Variants in PIK3CD observed in about 807,000 individuals in gnomAD.
PIK3CD encodes the protein phosphatidylinositol-4,5-bisphosphate 3-kinase catalytic subunit delta, also known as phosphatidylinositol 4,5-bisphosphate 3-kinase catalytic subunit delta isoform.
Under a neutral mutation model 122.9 loss-of-function variants are expected in PIK3CD, and 20 were observed. The observed-to-expected ratio is 0.16, with a 90% CI of 0.11 to 0.24. The LOEUF (loss-of-function observed/expected upper bound fraction) is 0.24. PIK3CD is among the 10% of genes least tolerant of loss of function. The pLI, the probability that PIK3CD is intolerant of heterozygous loss-of-function variation, is 1.00. For missense variants in PIK3CD, 787 were observed against 1,406.3 expected (o/e 0.56, Z 7.04); for synonymous variants, 596 against 593.4 (o/e 1.00, Z -0.06).
At chr1:9,703,265 A>T (rs75212133) in intron 2 of PIK3CD, among the ~76,000 whole-genome samples, 4,150 of 152,342 alleles carry the variant, frequency 0.027, 144 homozygotes, top group African/African-American at 0.073. Flanking sequence ...GTGTAGTGAT[A>T]GGCTGCGCCT....
intron 1 of PIK3CD, among the ~76,000 whole-genome samples, chr1:9,681,825 G>T (rs1420518426): frequency 6.6e-6 from 1 of 152,178 alleles, no homozygotes; most frequent in Non-Finnish European, 1.5e-5. Context: ...ATCTCAGGAC[G>T]GAAGTAACTG....
chr1:9,635,690 C>G, the PIK3CD span, among the ~76,000 whole-genome samples: 1 of 152,250 alleles, frequency 6.6e-6, no homozygotes, highest in Non-Finnish European at 1.5e-5. Context: ...AGAGCCGGAG[C>G]TGGGCATCCA....
rs117857321 is a variant in PIK3CD at position 9,656,989 on chromosome 1, C to G, written c.-138+5187C>G. Among the ~76,000 whole-genome samples, 518 of 151,482 alleles carry G rather than the reference C, an allele frequency of 3.4e-3. 5 individuals are homozygous for G. Among genetic ancestry groups the G allele is most frequent in the East Asian group, 0.024 (126 of 5,146 alleles). ...TGTATTCTCTCACAGTTCTGGAGGC[C>G]AGAAGTTAAAAATTAAGGCATCAGC... On this transcript the variant is annotated intron_variant, in intron 1 of 23. Transcript: ENST00000377346.
intron 1 of PIK3CD, chr1:9,653,678 G>A (rs1644748523): frequency 1.6e-6 from 1 of 635,694 alleles, no homozygotes; most frequent in African/African-American, 1.9e-5. Context: ...TGGTTGATGA[G>A]GCTGCGACCA....
chr1:9,709,963 GCCACTGCA>G (rs1020277333), intron 2 of PIK3CD, among the ~76,000 whole-genome samples: 5 of 151,708 alleles, frequency 3.3e-5, no homozygotes, highest in African/African-American at 1.2e-4. Flanking sequence ...CCGAGGTGGT[GCCACTGCA>G]CTCCAGCCTG....
At position 9,726,311 on chromosome 1, in the gene PIK3CD, A is replaced by G. The variant is rs544028113; in HGVS notation, c.2998-598A>G. 5.3e-5 allele frequency among the ~76,000 whole-genome samples: 8 copies of G among 152,238 alleles called. No homozygotes were observed. The East Asian group carries it at 7.8e-4, about 15-fold the overall frequency. Reference sequence around the variant, plus strand: ...ATCATGAGGTCAGGAGATCGAGACCATCCTGGCTAACACGGTGAAACCCCG... The same window carrying G: ...ATCATGAGGTCAGGAGATCGAGACCGTCCTGGCTAACACGGTGAAACCCCG... On this transcript the variant is annotated intron_variant, in intron 23 of 23. Coordinates refer to ENST00000377346, the MANE Select transcript of PIK3CD (RefSeq NM_005026.5).
At chr1:9,639,172 A>G in the PIK3CD span, among the ~76,000 whole-genome samples, 2 of 152,120 alleles carry the variant, frequency 1.3e-5, no homozygotes, top group Admixed American at 6.6e-5. Context: ...CTGCATGTAC[A>G]CTTTTTCATC....
At chr1:9,680,260 G>A (rs891405422) in intron 1 of PIK3CD, among the ~76,000 whole-genome samples, 8 of 145,806 alleles carry the variant, frequency 5.5e-5, no homozygotes, top group Non-Finnish European at 1.0e-4. Context: ...ACAGGTGTCA[G>A]TCACCAAACC....
chr1:9,692,631 G>A (rs1016643881), intron 2 of PIK3CD, among the ~76,000 whole-genome samples: 1 of 152,178 alleles, frequency 6.6e-6, no homozygotes, highest in Non-Finnish European at 1.5e-5. Context: ...TCGAGAGGCT[G>A]AGGCAGGAGA....
chr1:9,721,407 G>C, intron 14 of PIK3CD, 37 bp from the exon 15 acceptor site: 1 of 1,611,762 alleles, frequency 6.2e-7, no homozygotes, highest in Non-Finnish European at 8.5e-7. Context: ...GTCCTGAGTC[G>C]GGGAGCTCCA....
At chr1:9,709,632 G>A (rs1646972194) in intron 2 of PIK3CD, among the ~76,000 whole-genome samples, 2 of 151,950 alleles carry the variant, frequency 1.3e-5, no homozygotes, top group Admixed American at 1.3e-4. Flanking sequence ...TTGAACCTAG[G>A]AATTTGTGTT....
rs566531758 is a variant in PIK3CD at position 9,714,795 on chromosome 1, A to T, written c.142-746A>T. Among the ~76,000 whole-genome samples the T allele has an allele frequency of 3.4e-4, 51 of 152,112 alleles. 1 individual carries two copies. In the South Asian group the frequency reaches 0.01, roughly 31 times the overall value. ...GCTGTGGGAGGGCTGGAGGCCCGTC[A>T]CCCCAGGGCACACACTCCATGGAGA... On this transcript the variant is annotated intron_variant, in intron 3 of 23. Transcript: ENST00000377346.
Position 9,722,628 on chromosome 1 carries a change from C to T in PIK3CD, c.2426+22C>T, listed in dbSNP as rs775626466. ...TGAGGTGAGGACCCCCACCCCACAT[C>T]GTCCCTTGGTGTCTGTGCCCAGCCT... On this transcript the variant is annotated intron_variant, in intron 19 of 23. Coordinates refer to ENST00000377346, the MANE Select transcript of PIK3CD (RefSeq NM_005026.5). This position sits in a 1 kb window ranked among gnomAD's most constrained non-coding sequence, Gnocchi z 7.6. 12 of 1,598,912 alleles carry T rather than the reference C, an allele frequency of 7.5e-6. No homozygotes were observed. The highest frequency in any genetic ancestry group is 6.7e-5 in the East Asian group (3 of 44,804).
At chr1:9,692,636 A>G (rs1269327656) in intron 2 of PIK3CD, among the ~76,000 whole-genome samples, 1 of 152,186 alleles carries the variant, frequency 6.6e-6, no homozygotes, top group Non-Finnish European at 1.5e-5. Flanking sequence ...AGGCTGAGGC[A>G]GGAGAATCAC....
rs920513447 is a variant in PIK3CD, at chr1:9,717,810, G to C, written c.1020+184G>C. 6.6e-6 allele frequency among the ~76,000 whole-genome samples: 1 copy of C among 152,222 alleles called. No individual in the cohort carries two copies. Among genetic ancestry groups the C allele is most frequent in the Non-Finnish European group, 1.5e-5 (1 of 68,042 alleles). On this transcript the variant is annotated intron_variant, in intron 8 of 23. Transcript: ENST00000377346. This position sits in a 1 kb window ranked among gnomAD's most constrained non-coding sequence, Gnocchi z 5.4. ...CAGGAAGTGGGGAGGGGGTGGGCCA[G>C]CCGGCCCTGGAGGCTGATTCGTAGA... is the stretch of plus-strand genomic sequence containing the variant.
chr1:9,704,117 CG>C lies in PIK3CD; in HGVS notation c.-32-6305del, dbSNP rs1442868249. 6.6e-6 allele frequency among the ~76,000 whole-genome samples: 1 copy of C among 152,140 alleles called. No individual in the cohort carries two copies. Among genetic ancestry groups the C allele is most frequent in the Non-Finnish European group, 1.5e-5 (1 of 68,036 alleles). On this transcript the variant is annotated intron_variant, in intron 2 of 23. Transcript: ENST00000377346. The surrounding 1 kb of genome is among the most constrained non-coding windows in gnomAD (Gnocchi z 5.0). ...GAGAGAGGTTCTTAGCCCAGAGAGA[CG>C]GAAGGCACTTCCACTTTCTCCTGTC...
intron 1 of PIK3CD, chr1:9,662,608 C>T (rs970305332): frequency 6.6e-6 from 1 of 152,246 alleles, no homozygotes; most frequent in African/African-American, 2.4e-5. Context: ...GGTTCTAAGT[C>T]ACGAAGGTAT....
upstream of PIK3CD, among the ~76,000 whole-genome samples, chr1:9,647,110 T>C (rs895340383): frequency 4.3e-5 from 6 of 139,006 alleles, no homozygotes; most frequent in Non-Finnish European, 7.9e-5. Flanking sequence ...AGACTCTGTC[T>C]AAAAAAAAAA....
intron 1 of PIK3CD, among the ~76,000 whole-genome samples, chr1:9,658,129 T>A (rs7524062): frequency 0.2 from 29,987 of 152,084 alleles, 3,420 homozygotes; most frequent in East Asian, 0.55. Flanking sequence ...ATGCTTGTAT[T>A]CCTAATGCTT....
Sources: gnomAD v4.1 joint callset for allele counts (sites outside exome capture counted in the v4.1 genomes callset) on GRCh38, gnomAD v4.1.1 for gene constraint, Gnocchi (gnomAD v3.1) non-coding constraint, MANE v1.5 for transcripts, NCBI Gene and HGNC (gene_info 2026-07-23, HGNC 2026-07-21) for gene names.